The following SLC5A4 variants were observed in gnomAD, a reference collection of about 807,000 sequenced individuals.
The protein encoded by SLC5A4 is solute carrier family 5 member 4.
SLC5A4 carries 55 observed loss-of-function variants against 70.3 expected under a neutral mutation model. The ratio of observed to expected loss-of-function variants is 0.78; its 90% CI spans 0.63 to 0.98. The LOEUF is 0.98. Ranked by LOEUF, SLC5A4 falls within the 50% of genes least tolerant of loss-of-function variation. SLC5A4 has a pLI of 0.00. For synonymous variants in SLC5A4, 268 were observed against 305.7 expected (o/e 0.88, Z 1.29); for missense variants, 735 against 839.2 (o/e 0.88, Z 1.53).
chr22:32,325,462 C>A, the SLC5A4 span, among the ~76,000 whole-genome samples: 1 of 152,204 alleles, frequency 6.6e-6, no homozygotes, highest in South Asian at 2.1e-4. Flanking sequence ...ATGGAACAGC[C>A]TCAGCCAAGG....
chr22:32,309,263 T>G, the SLC5A4 span, among the ~76,000 whole-genome samples: 1 of 152,320 alleles, frequency 6.6e-6, no homozygotes, highest in Non-Finnish European at 1.5e-5. Context: ...ATAAAACTGC[T>G]CGTGAATCAC....
the SLC5A4 span, among the ~76,000 whole-genome samples, chr22:32,322,328 G>A: frequency 1.1e-4 from 16 of 152,258 alleles, no homozygotes; most frequent in African/African-American, 3.1e-4. Flanking sequence ...AGTGGCTCAC[G>A]CCTGTAATCC....
chr22:32,300,308 G>A, the SLC5A4 span, among the ~76,000 whole-genome samples: 1 of 149,372 alleles, frequency 6.7e-6, no homozygotes, highest in Non-Finnish European at 1.5e-5. Flanking sequence ...AGCAATCAGG[G>A]AGACTCCGTG....
chr22:32,239,518 T>TTTTATATATA (rs1455543266), intron 5 of SLC5A4, among the ~76,000 whole-genome samples: 15 of 25,230 alleles, frequency 5.9e-4, no homozygotes, highest in Non-Finnish European at 7.6e-4. Flanking sequence ...GGAGTGCATA[T>TTTTATATATA]TATATATATA....
chr22:32,286,738 G>A, the SLC5A4 span, among the ~76,000 whole-genome samples: 1 of 152,214 alleles, frequency 6.6e-6, no homozygotes, highest in African/African-American at 2.4e-5. Context: ...AAGAAAGAAG[G>A]CTATTGTAAG....
chr22:32,259,055 G>A (rs1468738012), upstream of SLC5A4, among the ~76,000 whole-genome samples: 1 of 152,200 alleles, frequency 6.6e-6, no homozygotes, highest in East Asian at 1.9e-4. Context: ...AATGGTAGTT[G>A]CCAGTGAGCA....
At chr22:32,336,859 T>C in the SLC5A4 span, among the ~76,000 whole-genome samples, 1 of 152,276 alleles carries the variant, frequency 6.6e-6, no homozygotes, top group African/African-American at 2.4e-5. Flanking sequence ...CTTTTTTGTC[T>C]TTCTGTTCCC....
chr22:32,302,346 C>G, the SLC5A4 span, among the ~76,000 whole-genome samples: 1 of 151,488 alleles, frequency 6.6e-6, no homozygotes, highest in Non-Finnish European at 1.5e-5. Context: ...CTCCCTTTAA[C>G]AGGGTCTCTC....
At chr22:32,262,555 G>A in the SLC5A4 span, among the ~76,000 whole-genome samples, 5 of 152,148 alleles carry the variant, frequency 3.3e-5, no homozygotes, top group Non-Finnish European at 5.9e-5. Context: ...CTTCTTTATC[G>A]ACAAGTTTTT....
At chr22:32,330,573 T>TG in the SLC5A4 span, among the ~76,000 whole-genome samples, 2 of 115,764 alleles carry the variant, frequency 1.7e-5, no homozygotes, top group Non-Finnish European at 3.4e-5. Flanking sequence ...CTGTGTGTGT[T>TG]GGGGGCTGTG....
intron 5 of SLC5A4, among the ~76,000 whole-genome samples, chr22:32,244,610 A>G (rs1467693774): frequency 6.6e-6 from 1 of 152,232 alleles, no homozygotes; most frequent in Non-Finnish European, 1.5e-5. Flanking sequence ...TTAGCTCATT[A>G]TAACTTAGCT....
the SLC5A4 span, among the ~76,000 whole-genome samples, chr22:32,301,151 C>T: frequency 5.3e-5 from 8 of 152,102 alleles, no homozygotes; most frequent in East Asian, 1.9e-4. Context: ...TTAGTAGAGA[C>T]GGGGTTTCAC....
At chr22:32,305,319 C>G in the SLC5A4 span, among the ~76,000 whole-genome samples, 2 of 130,342 alleles carry the variant, frequency 1.5e-5, no homozygotes, top group Non-Finnish European at 3.2e-5. Flanking sequence ...TGTAGTCTCT[C>G]TGCCTGTCTC....
the SLC5A4 span, chr22:32,269,520 C>G: frequency 1.7e-6 from 1 of 602,384 alleles, no homozygotes; most frequent in Non-Finnish European, 3.2e-6. The surrounding 1 kb of genome is among the most constrained non-coding windows in gnomAD (Gnocchi z 4.1). Context: ...TGGCAGGACA[C>G]GTGCTCCATC....
chr22:32,337,710 A>C, the SLC5A4 span, among the ~76,000 whole-genome samples: 2 of 148,656 alleles, frequency 1.3e-5, no homozygotes, highest in Non-Finnish European at 2.9e-5. Context: ...GAAAACTCTG[A>C]TTTGTAGCAC....
At chr22:32,245,907 G>A (rs1484762407) in intron 5 of SLC5A4, among the ~76,000 whole-genome samples, 1 of 152,218 alleles carries the variant, frequency 6.6e-6, no homozygotes, top group Non-Finnish European at 1.5e-5. Context: ...TAAGAGACGT[G>A]TGAACTCTAA....
rs1926322442 is a variant in SLC5A4 at position 32,239,554 on chromosome 22, A to ATATATATATATATATTTATATT, written c.478-465_478-464insAATATAAATATATATATATATA. 2.4e-4 allele frequency among the ~76,000 whole-genome samples: 4 copies of ATATATATATATATATTTATATT among 16,856 alleles called. No homozygotes were observed. The Admixed American group carries it at 3.1e-3, about 13-fold the overall frequency. 11.1% of individuals were successfully genotyped at this position (16,856 alleles called of 152,430 possible). A position where few individuals can be genotyped will look rare whatever the true frequency, so the allele number is the denominator to read the frequency against. ...TATATATATATATATATATATATATATATATATATATATATTTATATATAT... is the reference window on the plus strand; with the variant it reads ...TATATATATATATATATATATATATATATATATATATATATTTATATTTATATATATATATATTTATATATAT... On this transcript the variant is annotated intron_variant, in intron 5 of 14. Coordinates refer to ENST00000266086, the MANE Select transcript of SLC5A4 (RefSeq NM_014227.3).
chr22:32,267,079 T>C, the SLC5A4 span, among the ~76,000 whole-genome samples: 1 of 152,226 alleles, frequency 6.6e-6, no homozygotes, highest in Non-Finnish European at 1.5e-5. Context: ...AATGTTTTGT[T>C]TGAACAGTTT....
the SLC5A4 span, among the ~76,000 whole-genome samples, chr22:32,280,184 T>C: frequency 6.6e-6 from 1 of 152,208 alleles, no homozygotes; most frequent in South Asian, 2.1e-4. Flanking sequence ...CCTGGCTAAT[T>C]TGTGTGTTTT....
Sources: allele counts gnomAD v4.1 joint callset (sites outside exome capture counted in the v4.1 genomes callset), GRCh38; gene constraint gnomAD v4.1.1; non-coding constraint Gnocchi (gnomAD v3.1); transcripts MANE v1.5; gene names NCBI Gene and HGNC (gene_info 2026-07-23, HGNC 2026-07-21).